Variants in BTBD9 observed in about 807,000 individuals in gnomAD.
The protein encoded by BTBD9 is BTB domain containing 9.
In BTBD9, 49 loss-of-function variants were observed where a neutral mutation model predicts 64.3. That is an observed-to-expected ratio of 0.76 (90% CI 0.61 to 0.97). The LOEUF is 0.97. Ranked by LOEUF, BTBD9 falls within the 50% of genes least tolerant of loss-of-function variation. The pLI, the probability that BTBD9 is intolerant of heterozygous loss-of-function variation, is 0.00. For synonymous variants in BTBD9, 260 were observed against 274.7 expected (o/e 0.95, Z 0.53); for missense variants, 598 against 762.1 (o/e 0.78, Z 2.53).
chr6:38,185,578 C>T (rs1003194171), intron 10 of BTBD9, among the ~76,000 whole-genome samples: 9 of 152,174 alleles, frequency 5.9e-5, no homozygotes, highest in Admixed American at 1.3e-4. Context: ...CTCTCAGCCT[C>T]GGTTGCCTCT....
At chr6:38,210,780 G>A (rs1345218963) in intron 9 of BTBD9, among the ~76,000 whole-genome samples, 8 of 152,164 alleles carry the variant, frequency 5.3e-5, no homozygotes, top group Admixed American at 5.2e-4. Flanking sequence ...TAGGGTTTCT[G>A]TCACACTTGG....
rs577048057 is a variant in BTBD9, at chr6:38,607,441, G to C, written c.-27-9320C>G. The stretch of plus-strand genomic sequence containing the variant: ...CGTTGGATAGTATCCAAACTTCTTA[G>C]TAGAAAACTTAAATTAGAAGCCTTT... On this transcript the variant is annotated intron_variant, in intron 1 of 10. Coordinates refer to ENST00000481247, the MANE Select transcript of BTBD9 (RefSeq NM_001099272.2). 3.3e-5 allele frequency among the ~76,000 whole-genome samples: 5 copies of C among 152,256 alleles called. No homozygotes were observed. The South Asian group carries it at 1.0e-3, about 32-fold the overall frequency.
chr6:38,479,784 A>G (rs1771049787), intron 6 of BTBD9, among the ~76,000 whole-genome samples: 3 of 152,184 alleles, frequency 2.0e-5, no homozygotes. Flanking sequence ...GCTAGAGTGC[A>G]GTGGCGTGAT....
chr6:38,432,179 T>C (rs953322345), intron 6 of BTBD9, among the ~76,000 whole-genome samples: 1 of 152,016 alleles, frequency 6.6e-6, no homozygotes. Flanking sequence ...CACCATGTTA[T>C]GATGTGGTAA....
intron 9 of BTBD9, among the ~76,000 whole-genome samples, chr6:38,243,978 C>A (rs1764097707): frequency 6.6e-6 from 1 of 152,120 alleles, no homozygotes; most frequent in African/African-American, 2.4e-5. Context: ...CAAAACAGAG[C>A]CTTCTCATTA....
At chr6:38,241,380 CA>C (rs1227137468) in intron 9 of BTBD9, among the ~76,000 whole-genome samples, 2 of 152,160 alleles carry the variant, frequency 1.3e-5, no homozygotes, top group Non-Finnish European at 2.9e-5. Flanking sequence ...CTCTCTGGGA[CA>C]AATTTAATGT....
At chr6:38,564,071 C>A (rs1775373605) in intron 6 of BTBD9, among the ~76,000 whole-genome samples, 1 of 152,154 alleles carries the variant, frequency 6.6e-6, no homozygotes, top group African/African-American at 2.4e-5. Context: ...CGTGAGCCAC[C>A]ACACCTGGCC....
intron 7 of BTBD9, among the ~76,000 whole-genome samples, chr6:38,321,509 T>C (rs955761614): frequency 1.3e-5 from 2 of 152,180 alleles, no homozygotes; most frequent in African/African-American, 4.8e-5. Flanking sequence ...GGTGAAGGGA[T>C]GACATTAAAC....
At chr6:38,616,690 G>A (rs931423673) in intron 1 of BTBD9, among the ~76,000 whole-genome samples, 2 of 152,074 alleles carry the variant, frequency 1.3e-5, no homozygotes, top group Admixed American at 6.5e-5. Context: ...AAAAGAGCGC[G>A]CTTTGATAGG....
chr6:38,485,545 C>T (rs1268363174), intron 6 of BTBD9, among the ~76,000 whole-genome samples: 1 of 152,130 alleles, frequency 6.6e-6, no homozygotes, highest in Non-Finnish European at 1.5e-5. Context: ...CATCATAGCT[C>T]GTGGGTGACC....
intron 2 of BTBD9, chr6:38,595,623 G>A (rs570399485): frequency 1.5e-5 from 3 of 194,520 alleles, no homozygotes; most frequent in African/African-American, 7.1e-5. Flanking sequence ...GATTCTCCGT[G>A]TTGCTAAAAT....
intron 7 of BTBD9, among the ~76,000 whole-genome samples, chr6:38,300,863 A>C (rs1251407889): frequency 2.0e-5 from 3 of 151,870 alleles, no homozygotes; most frequent in South Asian, 2.1e-4. Flanking sequence ...CCTTCTCCTG[A>C]CTGATTGCCC....
chr6:38,637,226 G>C (rs1017221576), intron 1 of BTBD9, among the ~76,000 whole-genome samples: 1 of 152,170 alleles, frequency 6.6e-6, no homozygotes, highest in Non-Finnish European at 1.5e-5. Context: ...TGAACACTTA[G>C]TATGCTGAGC....
intron 6 of BTBD9, among the ~76,000 whole-genome samples, chr6:38,418,835 C>A (rs1767786305): frequency 6.6e-6 from 1 of 152,130 alleles, no homozygotes; most frequent in African/African-American, 2.4e-5. Flanking sequence ...AGCAACTGTG[C>A]ACAGTGGCGC....
At chr6:38,402,034 T>A (rs1031095344) in intron 6 of BTBD9, among the ~76,000 whole-genome samples, 13 of 152,032 alleles carry the variant, frequency 8.6e-5, no homozygotes, top group Non-Finnish European at 1.8e-4. Flanking sequence ...CAAAATCAAT[T>A]GTATTTCTAT....
At chr6:38,461,783 A>G (rs1319211762) in intron 6 of BTBD9, among the ~76,000 whole-genome samples, 1 of 152,248 alleles carries the variant, frequency 6.6e-6, no homozygotes, top group African/African-American at 2.4e-5. Flanking sequence ...TCCCACCAAC[A>G]GAGCAGCAGA....
At chr6:38,320,458 A>G (rs1763190864) in intron 7 of BTBD9, among the ~76,000 whole-genome samples, 1 of 152,120 alleles carries the variant, frequency 6.6e-6, no homozygotes, top group Non-Finnish European at 1.5e-5. Context: ...TTTCCATCAT[A>G]TCTACATATT....
At chr6:38,347,092 A>C (rs1764312353) in intron 6 of BTBD9, among the ~76,000 whole-genome samples, 1 of 152,118 alleles carries the variant, frequency 6.6e-6, no homozygotes, top group Non-Finnish European at 1.5e-5. Flanking sequence ...TTTTTAAAAC[A>C]CTATATGGAA....
Position 38,462,757 on chromosome 6 carries a change from C to A in BTBD9, c.1154+114843G>T, listed in dbSNP as rs1490258771. 3.3e-5 allele frequency among the ~76,000 whole-genome samples: 5 copies of A among 152,204 alleles called. No homozygotes were observed. The South Asian group carries it at 1.0e-3, about 32-fold the overall frequency. On this transcript the variant is annotated intron_variant, in intron 6 of 10. Transcript: ENST00000481247. ...AACTTTACAATATTGAGTCTTCTGA[C>A]CCATACACAATCTCTCTCTCCATTT...
Sources: allele counts gnomAD v4.1 joint callset (sites outside exome capture counted in the v4.1 genomes callset), GRCh38; gene constraint gnomAD v4.1.1; transcripts MANE v1.5; gene names NCBI Gene and HGNC (gene_info 2026-07-23, HGNC 2026-07-21).